The following VPS13B variants were observed in gnomAD, a reference collection of about 807,000 sequenced individuals.
The protein encoded by VPS13B is intermembrane lipid transfer protein VPS13B.
A neutral mutation model predicts 426.4 loss-of-function variants in VPS13B; 285 were observed. The observed-to-expected ratio is 0.67, with a 90% confidence interval of 0.61 to 0.74. The LOEUF is 0.74. Among genes scored for constraint, VPS13B ranks in the 30% least tolerant of loss-of-function variants. VPS13B has a pLI of 0.00. For missense variants in VPS13B, 4,537 were observed against 4,782.6 expected, an observed-to-expected ratio of 0.95 and a Z score of 1.51; for synonymous variants, 1,676 against 1,676.4, an observed-to-expected ratio of 1.00 and a Z score of 0.01.
Position 99,616,352 on chromosome 8 carries a change from A to G in VPS13B, c.5221-25459A>G, listed in dbSNP as rs1307334447. Reference sequence around the variant, plus strand: ...TCACGAGATAATGAGTAATAGATGTATAAAGAAAGGACTGAAGAGCAGAGA... The same window carrying G: ...TCACGAGATAATGAGTAATAGATGTGTAAAGAAAGGACTGAAGAGCAGAGA... On this transcript the variant is annotated intron_variant, in intron 33 of 61. Coordinates refer to ENST00000357162, the MANE Select transcript of VPS13B (RefSeq NM_152564.5). 5.9e-5 allele frequency among the ~76,000 whole-genome samples: 9 copies of G among 152,208 alleles called. No homozygotes were observed. In the East Asian group the frequency reaches 1.7e-3, roughly 29 times the overall value.
At chr8:99,491,804 G>A (rs185636939) in intron 25 of VPS13B, among the ~76,000 whole-genome samples, 55 of 152,264 alleles carry the variant, frequency 3.6e-4, no homozygotes, top group African/African-American at 1.2e-3. Flanking sequence ...CGATGGGTTC[G>A]AACATGCTCG....
chr8:99,197,802 C>T (rs1044374375), intron 17 of VPS13B, among the ~76,000 whole-genome samples: 8 of 152,068 alleles, frequency 5.3e-5, no homozygotes, highest in Admixed American at 1.3e-4. Flanking sequence ...TCTCAAGATA[C>T]ATTTTGATTT....
At chr8:99,226,575 T>G (rs1185489752) in intron 17 of VPS13B, among the ~76,000 whole-genome samples, 7 of 152,198 alleles carry the variant, frequency 4.6e-5, no homozygotes. Flanking sequence ...TGCAAAAATT[T>G]CTGAGAGCAC....
intron 16 of VPS13B, among the ~76,000 whole-genome samples, chr8:99,173,562 C>G (rs1812473739): frequency 6.6e-6 from 1 of 152,112 alleles, no homozygotes; most frequent in African/African-American, 2.4e-5. Flanking sequence ...ATCTTCCTTC[C>G]AAAACTGTGT....
intron 17 of VPS13B, among the ~76,000 whole-genome samples, chr8:99,270,101 G>T (rs913588540): frequency 8.0e-6 from 1 of 124,328 alleles, no homozygotes; most frequent in Non-Finnish European, 1.7e-5. Flanking sequence ...AAATCAAAGT[G>T]CTTTATATAG....
chr8:99,125,335 A>T (rs529214243), intron 8 of VPS13B, among the ~76,000 whole-genome samples: 1 of 151,918 alleles, frequency 6.6e-6, no homozygotes, highest in East Asian at 1.9e-4. Flanking sequence ...TGAAGGCCGG[A>T]AGACTCAGCA....
At chr8:99,547,954 A>G (rs1824079113) in intron 30 of VPS13B, among the ~76,000 whole-genome samples, 3 of 152,162 alleles carry the variant, frequency 2.0e-5, no homozygotes. Flanking sequence ...TTGAGACCAG[A>G]AAATTTAAGT....
chr8:99,386,455 G>A (rs1814128179), intron 20 of VPS13B, among the ~76,000 whole-genome samples: 1 of 152,002 alleles, frequency 6.6e-6, no homozygotes, highest in Non-Finnish European at 1.5e-5. Flanking sequence ...ATCCATCTCT[G>A]GTATAGCCTA....
chr8:99,291,764 G>A lies in VPS13B; in HGVS notation c.2824+16510G>A, dbSNP rs376703079. Among the ~76,000 whole-genome samples the A allele has an allele frequency of 3.9e-5, 6 of 152,146 alleles. No individual in the cohort carries two copies. The South Asian group carries it at 8.3e-4, about 21-fold the overall frequency. ...TTTAAGCCTTGAGTGATAAAGGATT[G>A]CACATGAGTGGAAAATTCTTATTTT... is the stretch of plus-strand genomic sequence containing the variant. On this transcript the variant is annotated intron_variant, in intron 19 of 61. Coordinates refer to ENST00000357162, the MANE Select transcript of VPS13B (RefSeq NM_152564.5).
intron 3 of VPS13B, among the ~76,000 whole-genome samples, chr8:99,095,591 C>A (rs1846374174): frequency 1.3e-5 from 2 of 151,998 alleles, no homozygotes; most frequent in Admixed American, 6.5e-5. Context: ...TTCTGAAGTC[C>A]CTAAGGACAG....
intron 19 of VPS13B, among the ~76,000 whole-genome samples, chr8:99,290,570 G>A (rs1398376174): frequency 6.6e-6 from 1 of 151,580 alleles, no homozygotes; most frequent in East Asian, 1.9e-4. Context: ...CGAGTTAATG[G>A]GTGCAGCACA....
chr8:99,785,146 G>A (rs1235433134), intron 43 of VPS13B, among the ~76,000 whole-genome samples: 1 of 152,144 alleles, frequency 6.6e-6, no homozygotes, highest in Admixed American at 6.6e-5. Context: ...TTAGAGATAT[G>A]TGTCCTGTAG....
At chr8:99,435,383 T>C (rs773058860) in intron 22 of VPS13B, among the ~76,000 whole-genome samples, 4 of 152,174 alleles carry the variant, frequency 2.6e-5, no homozygotes, top group Non-Finnish European at 5.9e-5. Flanking sequence ...TTTTGAGTAG[T>C]TCTGTAATAG....
At chr8:99,874,345 T>G (rs1004420491) in intron 61 of VPS13B, among the ~76,000 whole-genome samples, 1 of 152,208 alleles carries the variant, frequency 6.6e-6, no homozygotes, top group African/African-American at 2.4e-5. Flanking sequence ...TTGGGGACCG[T>G]TTTTCCCCAA....
chr8:99,509,996 A>G (rs1212736186), intron 28 of VPS13B, among the ~76,000 whole-genome samples: 2 of 152,316 alleles, frequency 1.3e-5, no homozygotes, highest in East Asian at 3.9e-4. Flanking sequence ...TTTAACAAAA[A>G]TATTGAAGTT....
At chr8:99,414,239 C>CTTT (rs373183960) in intron 21 of VPS13B, among the ~76,000 whole-genome samples, 51 of 134,874 alleles carry the variant, frequency 3.8e-4, no homozygotes, top group East Asian at 3.0e-3. Context: ...GCAACCCCTG[C>CTTT]TTTTTTTTTT....
intron 17 of VPS13B, chr8:99,209,723 A>C (rs1814964680): frequency 1.0e-6 from 1 of 978,618 alleles, no homozygotes; most frequent in South Asian, 4.7e-5. Context: ...AAATTATGTT[A>C]TAATTTCATG....
chr8:99,306,149 T>A (rs1292217553), intron 19 of VPS13B, among the ~76,000 whole-genome samples: 3 of 152,038 alleles, frequency 2.0e-5, no homozygotes, highest in Admixed American at 2.0e-4. Flanking sequence ...TTGGAGTGAA[T>A]TAAGGGCATG....
At chr8:99,559,578 T>A (rs1229564418) in intron 31 of VPS13B, among the ~76,000 whole-genome samples, 1 of 152,190 alleles carries the variant, frequency 6.6e-6, no homozygotes, top group African/African-American at 2.4e-5. Flanking sequence ...TGAATTAATT[T>A]TTGTATAAGG....
Sources: allele counts gnomAD v4.1 joint callset (sites outside exome capture counted in the v4.1 genomes callset), GRCh38; gene constraint gnomAD v4.1.1; transcripts MANE v1.5; gene names NCBI Gene and HGNC (gene_info 2026-07-23, HGNC 2026-07-21).